Variants in SEZ6L observed in about 807,000 individuals in gnomAD.
SEZ6L encodes the protein seizure 6-like protein.
Under a neutral mutation model 106.2 loss-of-function variants are expected in SEZ6L, and 37 were observed. The ratio of observed to expected loss-of-function variants is 0.35; its 90% CI spans 0.27 to 0.46. The LOEUF is 0.46. SEZ6L is among the 20% of genes least tolerant of loss of function. The pLI is 1.00. For synonymous variants in SEZ6L, 541 were observed against 570.4 expected (o/e 0.95, Z 0.73); for missense variants, 1,172 against 1,332.8 (o/e 0.88, Z 1.88).
At chr22:26,219,518 T>C (rs1395720739) in intron 1 of SEZ6L, among the ~76,000 whole-genome samples, 1 of 152,136 alleles carries the variant, frequency 6.6e-6, no homozygotes, top group Non-Finnish European at 1.5e-5. Flanking sequence ...CAAGAACCTA[T>C]TTGATGTGAA....
chr22:26,249,209 T>C (rs1280944850), intron 1 of SEZ6L, among the ~76,000 whole-genome samples: 1 of 152,222 alleles, frequency 6.6e-6, no homozygotes. Context: ...TATTTGAATA[T>C]ATACAATCAA....
intron 12 of SEZ6L, among the ~76,000 whole-genome samples, chr22:26,356,660 T>A (rs1037503155): frequency 6.7e-5 from 9 of 134,838 alleles, no homozygotes; most frequent in African/African-American, 2.0e-4. Flanking sequence ...ATAATAATAA[T>A]AATAATAATA....
chr22:26,218,017 G>A (rs924717246), intron 1 of SEZ6L, among the ~76,000 whole-genome samples: 3 of 152,182 alleles, frequency 2.0e-5, no homozygotes, highest in African/African-American at 7.2e-5. Flanking sequence ...GGAGAGCAGA[G>A]GTAAATTAGA....
At chr22:26,366,199 C>T (rs1332704708) in intron 13 of SEZ6L, among the ~76,000 whole-genome samples, 5 of 151,924 alleles carry the variant, frequency 3.3e-5, no homozygotes, top group East Asian at 1.9e-4. Flanking sequence ...CTGGGCGTAG[C>T]GGTGCATGCC....
intron 1 of SEZ6L, among the ~76,000 whole-genome samples, chr22:26,256,238 C>T (rs886191408): frequency 9.9e-5 from 15 of 151,990 alleles, no homozygotes; most frequent in African/African-American, 3.1e-4. Flanking sequence ...ATGCCAGGGA[C>T]GTGTGCATGA....
intron 14 of SEZ6L, among the ~76,000 whole-genome samples, chr22:26,374,516 A>G (rs2084151598): frequency 6.6e-6 from 1 of 152,222 alleles, no homozygotes; most frequent in Admixed American, 6.5e-5. Context: ...CTCCATTCAG[A>G]GTATCCTTTT....
At chr22:26,189,629 G>C (rs191313547) in intron 1 of SEZ6L, among the ~76,000 whole-genome samples, 1 of 152,218 alleles carries the variant, frequency 6.6e-6, no homozygotes, top group East Asian at 1.9e-4. Flanking sequence ...AAATAATTTA[G>C]AGATGATTTA....
chr22:26,284,870 A>G (rs2080886584), intron 1 of SEZ6L, among the ~76,000 whole-genome samples: 2 of 152,292 alleles, frequency 1.3e-5, no homozygotes, highest in African/African-American at 4.8e-5. Context: ...TTTTCTCTCT[A>G]TGATCTTGAA....
chr22:26,308,939 A>C (rs763053249), intron 6 of SEZ6L, among the ~76,000 whole-genome samples: 10 of 152,170 alleles, frequency 6.6e-5, no homozygotes, highest in Non-Finnish European at 1.5e-4. Flanking sequence ...CAGGAATCAG[A>C]AGACTATGTA....
chr22:26,332,275 G>T (rs777999847), intron 9 of SEZ6L, among the ~76,000 whole-genome samples: 2 of 150,136 alleles, frequency 1.3e-5, no homozygotes, highest in Non-Finnish European at 3.0e-5. Context: ...TCAGCCTCCC[G>T]AGTAGCTGGG....
intron 14 of SEZ6L, among the ~76,000 whole-genome samples, chr22:26,375,323 C>T (rs188554102): frequency 3.3e-5 from 5 of 152,152 alleles, no homozygotes; most frequent in African/African-American, 1.2e-4. Context: ...GGGAATGGTA[C>T]GATCAGGTTT....
In SEZ6L at chr22:26,382,705, A is replaced by G. The variant is rs2084447394; in HGVS notation, c.*2410A>G. ...GTTGGTGTCTATTTTTCTTTTTAAA[A>G]TATCTGAATGTGTATTTGTAATACG... On this transcript the variant is annotated 3_prime_UTR_variant, in exon 17 of 17. Transcript: ENST00000248933. The G allele has an allele frequency of 1.3e-5, 2 of 152,096 alleles. No individual in the cohort carries two copies. The highest frequency in any genetic ancestry group is 4.8e-5 in the African/African-American group (2 of 41,458). 9.4% of individuals were successfully genotyped at this position (152,096 alleles called of 1,614,324 possible).
At chr22:26,209,404 A>T (rs1371608182) in intron 1 of SEZ6L, among the ~76,000 whole-genome samples, 2 of 152,154 alleles carry the variant, frequency 1.3e-5, no homozygotes, top group African/African-American at 4.8e-5. Context: ...TCAGTTGGCA[A>T]TTGATTTAGT....
chr22:26,223,815 T>C (rs78939989), intron 1 of SEZ6L, among the ~76,000 whole-genome samples: 3,142 of 152,282 alleles, frequency 0.021, 116 homozygotes, highest in African/African-American at 0.072. Context: ...ATAATTGTTA[T>C]TATAATTAAG....
At chr22:26,231,195 T>C (rs778703837) in intron 1 of SEZ6L, among the ~76,000 whole-genome samples, 26 of 152,244 alleles carry the variant, frequency 1.7e-4, no homozygotes, top group Non-Finnish European at 2.8e-4. Context: ...TTATACCCAC[T>C]TTTAATTACA....
chr22:26,304,803 T>C (rs985984078), intron 5 of SEZ6L, among the ~76,000 whole-genome samples: 2 of 152,246 alleles, frequency 1.3e-5, no homozygotes, highest in African/African-American at 4.8e-5. Flanking sequence ...TCCTATATGC[T>C]GAAGTATTCT....
chr22:26,188,997 A>C (rs1273988165), intron 1 of SEZ6L, among the ~76,000 whole-genome samples: 2 of 152,188 alleles, frequency 1.3e-5, no homozygotes, highest in African/African-American at 4.8e-5. Flanking sequence ...CCACTTACAA[A>C]ATAATTTTTT....
At chr22:26,172,240 C>G (rs765831519) in intron 1 of SEZ6L, among the ~76,000 whole-genome samples, 1 of 152,122 alleles carries the variant, frequency 6.6e-6, no homozygotes, top group African/African-American at 2.4e-5. Context: ...TCCCCAGTCT[C>G]TAACGTGTGT....
At chr22:26,304,529 A>G (rs956870057) in intron 5 of SEZ6L, among the ~76,000 whole-genome samples, 1 of 152,190 alleles carries the variant, frequency 6.6e-6, no homozygotes, top group Non-Finnish European at 1.5e-5. Flanking sequence ...AGTAAAAATA[A>G]GAATACCTTC....
Sources: gnomAD v4.1 joint callset for allele counts (sites outside exome capture counted in the v4.1 genomes callset) on GRCh38, gnomAD v4.1.1 for gene constraint, MANE v1.5 for transcripts, NCBI Gene and HGNC (gene_info 2026-07-23, HGNC 2026-07-21) for gene names.